Variants in PLPPR1 observed in about 807,000 individuals in gnomAD.
The protein encoded by PLPPR1 is phospholipid phosphatase related 1.
In PLPPR1, 10 loss-of-function variants were observed where a neutral mutation model predicts 33.1. The observed-to-expected ratio is 0.30, with a 90% CI of 0.19 to 0.51. The LOEUF (loss-of-function observed/expected upper bound fraction) is 0.51, where lower values mean the gene tolerates loss of function less well. Ranked by LOEUF, PLPPR1 falls within the 20% of genes least tolerant of loss-of-function variation. The probability of loss-of-function intolerance (pLI) is 0.97; values close to 1 mark genes in which losing one functional copy is unlikely to be tolerated. For missense variants in PLPPR1, 304 were observed against 408.1 expected (o/e 0.74, Z 2.20); for synonymous variants, 151 against 151.0 (o/e 1.00, Z 0.00).
chr9:101,292,345 G>C (rs940997984), intron 4 of PLPPR1, among the ~76,000 whole-genome samples: 1 of 152,140 alleles, frequency 6.6e-6, no homozygotes, highest in Non-Finnish European at 1.5e-5. Flanking sequence ...GGGGAGAATG[G>C]AACCAAGTTG....
intron 6 of PLPPR1, among the ~76,000 whole-genome samples, chr9:101,315,902 T>C (rs2118964647): frequency 6.6e-6 from 1 of 152,312 alleles, no homozygotes; most frequent in South Asian, 2.1e-4. Context: ...AGGCGGAATG[T>C]GGGAGGAAGG....
At chr9:101,213,318 T>A (rs1230517855) in intron 2 of PLPPR1, among the ~76,000 whole-genome samples, 2 of 152,186 alleles carry the variant, frequency 1.3e-5, no homozygotes, top group Admixed American at 1.3e-4. Context: ...CAAAAATGCA[T>A]AACATAGTTT....
At chr9:101,244,575 T>C (rs1827547482) in intron 2 of PLPPR1, among the ~76,000 whole-genome samples, 1 of 65,344 alleles carries the variant, frequency 1.5e-5, no homozygotes, top group Non-Finnish European at 2.6e-5. Flanking sequence ...ATCTCTATGA[T>C]TTAAAAAAAA....
intron 2 of PLPPR1, among the ~76,000 whole-genome samples, chr9:101,214,269 C>A (rs979920153): frequency 6.6e-6 from 1 of 152,218 alleles, no homozygotes; most frequent in Admixed American, 6.5e-5. Context: ...TACCTTATAT[C>A]CTTGAATAGC....
intron 1 of PLPPR1, among the ~76,000 whole-genome samples, chr9:101,061,897 G>T (rs1331378898): frequency 6.6e-6 from 1 of 151,942 alleles, no homozygotes; most frequent in Non-Finnish European, 1.5e-5. Flanking sequence ...TTTGGGGTGA[G>T]AAAATCAAGA....
At position 101,114,360 on chromosome 9, in the gene PLPPR1, A is replaced by G. The variant is rs377190616; in HGVS notation, c.-45-71090A>G. 5.9e-5 allele frequency among the ~76,000 whole-genome samples: 9 copies of G among 152,308 alleles called. No homozygotes were observed. In the East Asian group the frequency reaches 1.2e-3, roughly 20 times the overall value. ...AAATGGTGTATCAGGCAGGATCCCA[A>G]CAGGGGACAGATAGCACACTTGTAT... On this transcript the variant is annotated intron_variant, in intron 1 of 7. Coordinates refer to ENST00000374874, the MANE Select transcript of PLPPR1 (RefSeq NM_207299.2).
At chr9:101,262,192 A>G (rs373132579) in intron 2 of PLPPR1, among the ~76,000 whole-genome samples, 1 of 152,200 alleles carries the variant, frequency 6.6e-6, no homozygotes, top group East Asian at 1.9e-4. Flanking sequence ...CTTGTTACAC[A>G]GTCTCATTTA....
At chr9:101,083,226 T>G (rs1830641441) in intron 1 of PLPPR1, among the ~76,000 whole-genome samples, 1 of 151,900 alleles carries the variant, frequency 6.6e-6, no homozygotes, top group African/African-American at 2.4e-5. Context: ...TGGCGCAATC[T>G]TGGCTCAAGG....
intron 1 of PLPPR1, among the ~76,000 whole-genome samples, chr9:101,037,735 G>A (rs1421471439): frequency 6.6e-6 from 1 of 151,558 alleles, no homozygotes; most frequent in Non-Finnish European, 1.5e-5. Context: ...CTAAAAAATA[G>A]AAAGACCTTT....
chr9:101,205,199 A>G (rs118147764), intron 2 of PLPPR1, among the ~76,000 whole-genome samples: 3,537 of 152,266 alleles, frequency 0.023, 59 homozygotes, highest in Non-Finnish European at 0.036. Context: ...TTCAGTATGC[A>G]TGAGAATCAC....
chr9:101,311,146 C>A (rs531722657), intron 5 of PLPPR1, among the ~76,000 whole-genome samples: 89 of 151,100 alleles, frequency 5.9e-4, no homozygotes, highest in African/African-American at 2.0e-3. Context: ...TTTATAGTAC[C>A]ATTATAAAAA....
At chr9:101,316,616 C>CAAAAAAAAAAAAAAAAAAAAAAA (rs553324474) in intron 6 of PLPPR1, among the ~76,000 whole-genome samples, 14 of 82,522 alleles carry the variant, frequency 1.7e-4, no homozygotes, top group African/African-American at 4.6e-4. Context: ...TCTTCTTGGG[C>CAAAAAAAAAAAAAAAAAAAAAAA]AAAAAAAAAA....
At chr9:101,279,981 A>G (rs1828267845) in intron 3 of PLPPR1, among the ~76,000 whole-genome samples, 1 of 152,196 alleles carries the variant, frequency 6.6e-6, no homozygotes, top group African/African-American at 2.4e-5. Flanking sequence ...TGAAATTTAT[A>G]AAACAATACA....
chr9:101,220,107 C>T (rs943416866), intron 2 of PLPPR1, among the ~76,000 whole-genome samples: 2 of 152,118 alleles, frequency 1.3e-5, no homozygotes, highest in Non-Finnish European at 2.9e-5. Flanking sequence ...TTGCATTGTG[C>T]ATCATAGGAT....
chr9:101,029,891 G>C (rs372048269), intron 1 of PLPPR1, among the ~76,000 whole-genome samples: 11 of 152,228 alleles, frequency 7.2e-5, no homozygotes, highest in African/African-American at 2.4e-4. Context: ...GTGGGAAGAC[G>C]GGGCTTTATC....
At chr9:101,068,822 C>T (rs151148362) in intron 1 of PLPPR1, among the ~76,000 whole-genome samples, 3 of 152,188 alleles carry the variant, frequency 2.0e-5, no homozygotes, top group South Asian at 4.1e-4. Flanking sequence ...CAGACAAGAA[C>T]GTTACTTCTA....
In PLPPR1 at chr9:101,267,293, T is replaced by C. The variant is rs1828016042; in HGVS notation, c.64-2587T>C. ...TAAACTAGCTGCAATCAGGAGCACC[T>C]ATTAGTAGGGGTAGCTTTGGAGTAT... On this transcript the variant is annotated intron_variant, in intron 2 of 7. Coordinates refer to ENST00000374874, the MANE Select transcript of PLPPR1 (RefSeq NM_207299.2). 3.3e-5 allele frequency among the ~76,000 whole-genome samples: 5 copies of C among 152,220 alleles called. No homozygotes were observed. The South Asian group carries it at 1.0e-3, about 31-fold the overall frequency.
In PLPPR1 at chr9:101,312,839, G is replaced by A; in HGVS notation, c.678G>A (p.Leu226=). 6.2e-7 allele frequency: 1 copy of A among 1,614,136 alleles called. No homozygotes were observed. The highest frequency in any genetic ancestry group is 8.5e-7 in the Non-Finnish European group (1 of 1,180,006). The change falls in exon 6 of 8, where the codon CTG becomes CTA. Residue 226 remains leucine (L), a synonymous_variant. Transcript: ENST00000374874. ...TSTIKTKSSR[L]AKPVLCLGTL... is the part of the protein sequence containing the mutation. ...CAATCAAGACGAAGAGCAGTCGACTGGCCAAGCCGGTGCTGTGCCTCGGAA... is the reference window on the plus strand; with the variant it reads ...CAATCAAGACGAAGAGCAGTCGACTAGCCAAGCCGGTGCTGTGCCTCGGAA...
intron 4 of PLPPR1, 130 bp downstream of exon 4, chr9:101,286,366 C>T: frequency 1.3e-5 from 10 of 774,264 alleles, no homozygotes; most frequent in Non-Finnish European, 1.8e-5. Flanking sequence ...TTTCCTGATC[C>T]TACTGCCACA....
Sources: gnomAD v4.1 joint callset for allele counts (sites outside exome capture counted in the v4.1 genomes callset) on GRCh38, gnomAD v4.1.1 for gene constraint, MANE v1.5 for transcripts, NCBI Gene and HGNC (gene_info 2026-07-23, HGNC 2026-07-21) for gene names.